The following PPME1 variants were observed in gnomAD, a reference collection of about 807,000 sequenced individuals.
PPME1 encodes the protein protein phosphatase methylesterase 1, also known as testicular secretory protein Li 39.
PPME1 carries 17 observed loss-of-function variants against 56.9 expected under a neutral mutation model. That is an observed-to-expected ratio of 0.30 (90% CI 0.20 to 0.45). The LOEUF is 0.45. Among genes scored for constraint, PPME1 ranks in the 20% least tolerant of loss-of-function variants. The probability of loss-of-function intolerance (pLI) is 1.00; values close to 1 mark genes in which losing one functional copy is unlikely to be tolerated. For missense variants in PPME1, 357 were observed against 483.2 expected (o/e 0.74, Z 2.45); for synonymous variants, 122 against 156.2 (o/e 0.78, Z 1.63).
At chr11:74,245,636 C>A (rs568864194) in intron 9 of PPME1, among the ~76,000 whole-genome samples, 24 of 152,098 alleles carry the variant, frequency 1.6e-4, no homozygotes, top group African/African-American at 5.8e-4. Context: ...TTTACTATAC[C>A]ACATTTTTCC....
At chr11:74,249,336 T>C (rs1859593015) in intron 11 of PPME1, 2 of 152,180 alleles carry the variant, frequency 1.3e-5, no homozygotes, top group African/African-American at 4.8e-5. Context: ...GGTAAATAAT[T>C]TAGGCTCTCT....
chr11:74,242,857 C>T (rs768227930), intron 9 of PPME1, among the ~76,000 whole-genome samples: 31 of 113,670 alleles, frequency 2.7e-4, no homozygotes, highest in East Asian at 2.0e-3. Flanking sequence ...CCAGCCTGGG[C>T]GACAGAGTGA....
chr11:74,221,931 C>G (rs1412762735), intron 3 of PPME1, among the ~76,000 whole-genome samples: 1 of 152,146 alleles, frequency 6.6e-6, no homozygotes, highest in African/African-American at 2.4e-5. Context: ...AAGATATAAA[C>G]TGACTCACCG....
chr11:74,175,408 G>C (rs941300385), intron 1 of PPME1, among the ~76,000 whole-genome samples: 5 of 152,132 alleles, frequency 3.3e-5, no homozygotes, highest in Admixed American at 3.3e-4. Context: ...GGCTGAGGCA[G>C]GAGAATCACT....
At chr11:74,242,975 C>A (rs761861317) in intron 9 of PPME1, among the ~76,000 whole-genome samples, 1 of 151,262 alleles carries the variant, frequency 6.6e-6, no homozygotes, top group Non-Finnish European at 1.5e-5. Flanking sequence ...TTGGGACTTG[C>A]ATTCAGTCAG....
At chr11:74,237,942 T>C (rs967990681) in intron 8 of PPME1, 1 of 152,254 alleles carries the variant, frequency 6.6e-6, no homozygotes, top group Non-Finnish European at 1.5e-5. Context: ...TAGTAAAGCA[T>C]TTTACATGGC....
chr11:74,224,355 T>G (rs1301723607), intron 4 of PPME1, among the ~76,000 whole-genome samples: 2 of 134,068 alleles, frequency 1.5e-5, no homozygotes, highest in Non-Finnish European at 3.1e-5. Context: ...AGCCTTGTAG[T>G]ATAGTTTGAA....
intron 3 of PPME1, among the ~76,000 whole-genome samples, chr11:74,207,012 A>C (rs1391393204): frequency 1.3e-5 from 2 of 152,216 alleles, no homozygotes; most frequent in Non-Finnish European, 2.9e-5. Flanking sequence ...GAGAAGTTAG[A>C]GAGCCAATGA....
Position 74,203,744 on chromosome 11 carries a change from G to A in PPME1, c.118G>A (p.Asp40Asn). 1.2e-6 allele frequency: 2 copies of A among 1,611,086 alleles called. No individual in the cohort carries two copies. Among genetic ancestry groups the A allele is most frequent in the Non-Finnish European group, 1.7e-6 (2 of 1,178,652 alleles). ...KMRMGPGRKR[D>N]FSPVPWSQYF... ...TTTCCTCAGCCCTGGAAGAAAGCGGGACTTTTCCCCTGTTCCTTGGAGTCA... is the reference window on the plus strand; with the variant it reads ...TTTCCTCAGCCCTGGAAGAAAGCGGAACTTTTCCCCTGTTCCTTGGAGTCA... Residue 40 changes from aspartate to asparagine, a missense_variant, in exon 2 of 14, where the codon GAC (aspartate) becomes AAC (asparagine). Asp to Asn is a conservative substitution (Grantham distance 23). Transcript: ENST00000328257.
At position 74,230,399 on chromosome 11, in the gene PPME1, G is replaced by A; in HGVS notation, c.553G>A (p.Gly185Ser). The A allele has an allele frequency of 6.2e-7, 1 of 1,613,520 alleles. No homozygotes were observed. The highest frequency in any genetic ancestry group is 8.5e-7 in the Non-Finnish European group (1 of 1,179,708). The change falls in exon 6 of 14, where the codon GGT (glycine) becomes AGT (serine). Residue 185 changes from glycine to serine, a missense_variant and splice_region_variant. Around this residue, in one of 2 missense-constraint regions of PPME1, gnomAD observed 182 missense variants for 293.8 expected, o/e 0.62. Coordinates refer to ENST00000328257, the MANE Select transcript of PPME1 (RefSeq NM_016147.3). The surrounding 1 kb of genome is among the most constrained non-coding windows in gnomAD (Gnocchi z 4.9). ...LGLCMIDVVE[G>S]TAMDALNSMQ... is the part of the protein sequence containing the mutation. ...TCTGTGCATGATTGATGTTGTAGAA[G>A]GTGAGTTTTCTTAGCACTGACCAAA...
rs150380533 is a variant in PPME1, at chr11:74,202,583, G to A, written c.102-1145G>A. Among the ~76,000 whole-genome samples, 965 of 152,252 alleles carry A rather than the reference G, an allele frequency of 6.3e-3. 10 individuals carry two copies. Among genetic ancestry groups the A allele is most frequent in the African/African-American group, 0.02 (822 of 41,550 alleles). On this transcript the variant is annotated intron_variant, in intron 1 of 13. Coordinates refer to ENST00000328257, the MANE Select transcript of PPME1 (RefSeq NM_016147.3). ...AGGAAGATGTCTGGCAAGAGGTAAT[G>A]TTTTGCTGCTGATAGAATTCTGAAT...
In PPME1 at chr11:74,251,493, T is replaced by C. The variant is rs544382304; in HGVS notation, c.1075-155T>C. On this transcript the variant is annotated intron_variant, in intron 12 of 13. Coordinates refer to ENST00000328257, the MANE Select transcript of PPME1 (RefSeq NM_016147.3). ...GTGGGGAGGAGTCTTCTAGCTCTGC[T>C]AGGGAGGGCCTAGGTCCTTTTAATT... The C allele has an allele frequency of 4.3e-4, 620 of 1,446,770 alleles. 3 individuals carry two copies. The African/African-American group carries it at 7.5e-3, about 17-fold the overall frequency. The allele number at this position is 1,446,770 out of a possible 1,614,324, so 89.6% of individuals were successfully genotyped here.
intron 1 of PPME1, among the ~76,000 whole-genome samples, chr11:74,182,626 T>C (rs1857570475): frequency 6.6e-6 from 1 of 152,140 alleles, no homozygotes; most frequent in Non-Finnish European, 1.5e-5. Flanking sequence ...TCCTAAAGCA[T>C]TGGGAGATAG....
intron 1 of PPME1, among the ~76,000 whole-genome samples, chr11:74,179,484 G>A (rs1857477953): frequency 6.6e-6 from 1 of 152,178 alleles, no homozygotes; most frequent in African/African-American, 2.4e-5. Flanking sequence ...GACAGAATGA[G>A]ACCCTATCTC....
intron 1 of PPME1, 58 bp downstream of exon 1, chr11:74,171,580 ATC>A: frequency 1.3e-6 from 2 of 1,532,424 alleles, no homozygotes; most frequent in Non-Finnish European, 1.8e-6. Flanking sequence ...GGAGAATGGT[ATC>A]TCTGGGCGTT....
intron 9 of PPME1, 110 bp from the exon 10 acceptor site, chr11:74,245,966 C>CTGTTGGAAGGA: frequency 7.7e-7 from 1 of 1,300,874 alleles, no homozygotes; most frequent in Non-Finnish European, 1.0e-6. Flanking sequence ...TTAGTAGGTC[C>CTGTTGGAAGGA]TTAATAAGTG....
At chr11:74,171,988 A>T (rs888990889) in intron 1 of PPME1, among the ~76,000 whole-genome samples, 1 of 152,164 alleles carries the variant, frequency 6.6e-6, no homozygotes, top group Non-Finnish European at 1.5e-5. Flanking sequence ...TGAGAACTAG[A>T]TACTAGAAAA....
At chr11:74,246,423 T>C (rs991090694) in intron 10 of PPME1, among the ~76,000 whole-genome samples, 62 of 152,312 alleles carry the variant, frequency 4.1e-4, no homozygotes, top group African/African-American at 1.5e-3. Context: ...ATGTGAGCTC[T>C]CTGGTGTCTC....
At position 74,251,722 on chromosome 11, in the gene PPME1, CG is replaced by C. The variant is rs1218178870; in HGVS notation, c.1142+10del. On this transcript the variant is annotated splice_region_variant and intron_variant, in intron 13 of 13. Transcript: ENST00000328257. ...CCATCGGTGGATTCCAGTGGTAAGG[CG>C]GGTACAAGGGTTTAAGAACCCAGCA... 6.2e-7 allele frequency: 1 copy of C among 1,613,852 alleles called. No homozygotes were observed. Among genetic ancestry groups the C allele is most frequent in the Non-Finnish European group, 8.5e-7 (1 of 1,179,776 alleles).
Sources: gnomAD v4.1 joint callset for allele counts (sites outside exome capture counted in the v4.1 genomes callset) on GRCh38, gnomAD v4.1.1 for gene constraint, gnomAD v4.1.1 regional missense constraint, Gnocchi (gnomAD v3.1) non-coding constraint, MANE v1.5 for transcripts, NCBI Gene and HGNC (gene_info 2026-07-23, HGNC 2026-07-21) for gene names.